PGCKA1: variants seen among roughly 807,000 people sequenced by gnomAD.
PGCKA1 encodes PDCD10 and GCKIII kinases-associated protein 1.
At chr4:37,516,540 C>T in the PGCKA1 span, among the ~76,000 whole-genome samples, 6 of 152,262 alleles carry the variant, frequency 3.9e-5, no homozygotes, top group Admixed American at 3.3e-4. Context: ...TAATCCTTCT[C>T]TCTCACTCCC....
the PGCKA1 span, among the ~76,000 whole-genome samples, chr4:37,485,974 A>T: frequency 6.6e-6 from 1 of 152,246 alleles, no homozygotes; most frequent in South Asian, 2.1e-4. Flanking sequence ...TAAGCACCGT[A>T]TCATGAATCA....
the PGCKA1 span, among the ~76,000 whole-genome samples, chr4:37,526,064 T>C: frequency 2.6e-5 from 4 of 152,216 alleles, no homozygotes; most frequent in African/African-American, 4.8e-5. Context: ...TAGTAAATTA[T>C]ACATGTCAAA....
At chr4:37,590,591 A>G in the PGCKA1 span, 4 of 1,614,170 alleles carry the variant, frequency 2.5e-6, no homozygotes, top group East Asian at 4.5e-5. Context: ...GTACAAGACC[A>G]TGTCTTCCAG....
the PGCKA1 span, among the ~76,000 whole-genome samples, chr4:37,466,703 G>C: frequency 9.6e-4 from 146 of 152,284 alleles, no homozygotes; most frequent in Non-Finnish European, 1.8e-3. Context: ...TAGGAAATGG[G>C]AAGTGAGGGA....
the PGCKA1 span, among the ~76,000 whole-genome samples, chr4:37,574,456 T>G: frequency 6.6e-6 from 1 of 152,188 alleles, no homozygotes; most frequent in Non-Finnish European, 1.5e-5. Flanking sequence ...TTTAAGTTTT[T>G]AAAATTATTT....
chr4:37,520,237 T>C, the PGCKA1 span, among the ~76,000 whole-genome samples: 3 of 152,202 alleles, frequency 2.0e-5, no homozygotes, highest in Non-Finnish European at 4.4e-5. Context: ...TATTGATGTG[T>C]CTTTGGTTTT....
chr4:37,586,892 A>G, the PGCKA1 span, among the ~76,000 whole-genome samples: 2 of 152,236 alleles, frequency 1.3e-5, no homozygotes, highest in African/African-American at 4.8e-5. Context: ...CCTGGGCAAC[A>G]GAGTGAGGCT....
chr4:37,517,915 A>T, the PGCKA1 span, among the ~76,000 whole-genome samples: 1 of 152,102 alleles, frequency 6.6e-6, no homozygotes, highest in Non-Finnish European at 1.5e-5. Flanking sequence ...TCCATCCCCA[A>T]CTACCCTTCC....
chr4:37,482,041 A>G, the PGCKA1 span, among the ~76,000 whole-genome samples: 3 of 152,240 alleles, frequency 2.0e-5, no homozygotes, highest in Admixed American at 2.0e-4. Context: ...AGGCTTCCCC[A>G]GCCAAGCTGA....
the PGCKA1 span, among the ~76,000 whole-genome samples, chr4:37,527,177 T>C: frequency 6.6e-6 from 1 of 152,154 alleles, no homozygotes; most frequent in African/African-American, 2.4e-5. Flanking sequence ...AGCCACACAA[T>C]GTATTTGTGT....
At chr4:37,564,156 C>T in the PGCKA1 span, among the ~76,000 whole-genome samples, 1 of 151,684 alleles carries the variant, frequency 6.6e-6, no homozygotes, top group Non-Finnish European at 1.5e-5. Flanking sequence ...CACCTGTAAT[C>T]CCAGCTATTC....
chr4:37,499,739 C>CA, the PGCKA1 span, among the ~76,000 whole-genome samples: 2 of 150,276 alleles, frequency 1.3e-5, no homozygotes, highest in African/African-American at 4.9e-5. Flanking sequence ...TTATTTTTTT[C>CA]AAAAAAACAC....
chr4:37,509,831 C>T, the PGCKA1 span, among the ~76,000 whole-genome samples: 4 of 151,620 alleles, frequency 2.6e-5, no homozygotes, highest in African/African-American at 4.9e-5. Flanking sequence ...GGCGTGGCGG[C>T]GCGCGCCTGC....
chr4:37,590,176 T>C, the PGCKA1 span: 1 of 1,614,144 alleles, frequency 6.2e-7, no homozygotes, highest in African/African-American at 1.3e-5. Context: ...CACTGATAAA[T>C]TAAAAGGCAA....
chr4:37,459,507 C>T, the PGCKA1 span, among the ~76,000 whole-genome samples: 5 of 152,212 alleles, frequency 3.3e-5, no homozygotes, highest in East Asian at 9.6e-4. Context: ...GACATTTAAA[C>T]CCATGTCCAT....
the PGCKA1 span, chr4:37,590,353 G>T: frequency 2.5e-6 from 4 of 1,613,676 alleles, no homozygotes; most frequent in Non-Finnish European, 3.4e-6. Flanking sequence ...CGGTGTCAAC[G>T]GCATCGGCCC....
the PGCKA1 span, among the ~76,000 whole-genome samples, chr4:37,575,405 A>G: frequency 6.6e-6 from 1 of 152,088 alleles, no homozygotes; most frequent in African/African-American, 2.4e-5. Context: ...CTTTTGAGAA[A>G]TATCTATTCA....
At chr4:37,500,426 T>G in the PGCKA1 span, among the ~76,000 whole-genome samples, 9 of 152,326 alleles carry the variant, frequency 5.9e-5, no homozygotes, top group African/African-American at 2.2e-4. Context: ...AATTATATGA[T>G]TTTGAGTGAA....
At chr4:37,456,667 A>G in the PGCKA1 span, among the ~76,000 whole-genome samples, 1 of 152,270 alleles carries the variant, frequency 6.6e-6, no homozygotes, top group East Asian at 1.9e-4. Flanking sequence ...GCGTAGACCC[A>G]GAGACACCAG....
Sources: allele counts gnomAD v4.1 joint callset (sites outside exome capture counted in the v4.1 genomes callset), GRCh38; gene constraint gnomAD v4.1.1; transcripts MANE v1.5; gene names NCBI Gene and HGNC (gene_info 2026-07-23, HGNC 2026-07-21).